Variants in PRELID2 observed in about 807,000 individuals in gnomAD.
PRELID2 encodes PRELI domain-containing protein 2.
In PRELID2, 25 loss-of-function variants were observed where a neutral mutation model predicts 28.4. The ratio of observed to expected loss-of-function variants is 0.88; its 90% CI spans 0.64 to 1.23. PRELID2 has a LOEUF of 1.23. Among genes scored for constraint, PRELID2 ranks in the 50% most tolerant of loss-of-function variants. The pLI is 0.00. For synonymous variants in PRELID2, 76 were observed against 71.6 expected (o/e 1.06, Z -0.31); for missense variants, 201 against 214.4 (o/e 0.94, Z 0.39).
At chr5:145,406,595 C>A in the PRELID2 span, among the ~76,000 whole-genome samples, 1 of 152,208 alleles carries the variant, frequency 6.6e-6, no homozygotes, top group African/African-American at 2.4e-5. Context: ...GGAGCTCCCA[C>A]TTGGACAGAC....
chr5:145,524,490 C>G (rs1293414119), intron 1 of PRELID2, among the ~76,000 whole-genome samples: 1 of 152,190 alleles, frequency 6.6e-6, no homozygotes, highest in Non-Finnish European at 1.5e-5. Flanking sequence ...ATTTGAGAAA[C>G]AGTAGAAACC....
At chr5:145,368,173 T>G in the PRELID2 span, among the ~76,000 whole-genome samples, 1 of 152,082 alleles carries the variant, frequency 6.6e-6, no homozygotes, top group South Asian at 2.1e-4. Context: ...GTCTGTCTTA[T>G]CCAAATCTGT....
intron 4 of PRELID2, among the ~76,000 whole-genome samples, chr5:145,811,953 A>G (rs577325861): frequency 3.5e-4 from 54 of 152,268 alleles, no homozygotes; most frequent in Non-Finnish European, 4.6e-4. Context: ...CTATGTCCCA[A>G]TTATTTCTGT....
the PRELID2 span, among the ~76,000 whole-genome samples, chr5:145,363,443 T>TAA: frequency 6.6e-6 from 1 of 152,028 alleles, no homozygotes; most frequent in Non-Finnish European, 1.5e-5. Context: ...TTAAAAATAG[T>TAA]AAAACTCTTA....
At chr5:145,653,585 A>G (rs1282948592) in intron 1 of PRELID2, among the ~76,000 whole-genome samples, 2 of 152,258 alleles carry the variant, frequency 1.3e-5, no homozygotes, top group African/African-American at 4.8e-5. Flanking sequence ...AGAACTCAGG[A>G]TTAAGAAACT....
chr5:145,355,368 T>A, the PRELID2 span, among the ~76,000 whole-genome samples: 3 of 152,262 alleles, frequency 2.0e-5, no homozygotes, highest in African/African-American at 7.2e-5. Context: ...TTCAAAAGTA[T>A]TTTTTAAGAA....
chr5:145,776,280 C>G (rs562823400), intron 5 of PRELID2, among the ~76,000 whole-genome samples: 284 of 152,354 alleles, frequency 1.9e-3, no homozygotes, highest in Middle Eastern at 6.8e-3. Flanking sequence ...CTATTAGTCA[C>G]TCTGTAGCCC....
At chr5:145,495,335 A>G (rs1391750037) in intron 1 of PRELID2, among the ~76,000 whole-genome samples, 1 of 152,236 alleles carries the variant, frequency 6.6e-6, no homozygotes, top group Non-Finnish European at 1.5e-5. Flanking sequence ...ATTGAGCATC[A>G]GCAGAATCTG....
chr5:145,741,930 T>C (rs1181175867), intron 1 of PRELID2, among the ~76,000 whole-genome samples: 1 of 52,950 alleles, frequency 1.9e-5, no homozygotes, highest in Non-Finnish European at 4.2e-5. Context: ...ACAAATAAAT[T>C]TATTATAAAT....
intron 1 of PRELID2, among the ~76,000 whole-genome samples, chr5:145,651,764 T>A (rs979461860): frequency 1.3e-5 from 2 of 152,032 alleles, no homozygotes; most frequent in Non-Finnish European, 2.9e-5. Flanking sequence ...CACGTCACCA[T>A]CATCAAAGAC....
At chr5:145,649,783 A>G (rs1754257982) in intron 1 of PRELID2, among the ~76,000 whole-genome samples, 1 of 152,112 alleles carries the variant, frequency 6.6e-6, no homozygotes, top group African/African-American at 2.4e-5. Context: ...AAACTTCTAC[A>G]TCCTGTCTCT....
chr5:145,653,030 G>T (rs1451397317), intron 1 of PRELID2, among the ~76,000 whole-genome samples: 3 of 152,086 alleles, frequency 2.0e-5, no homozygotes, highest in Admixed American at 1.3e-4. Context: ...GACACACATA[G>T]GCTCAAAATA....
intron 1 of PRELID2, among the ~76,000 whole-genome samples, chr5:145,714,157 C>A (rs1343615977): frequency 6.6e-6 from 1 of 152,020 alleles, no homozygotes; most frequent in Non-Finnish European, 1.5e-5. Flanking sequence ...AGGAAGAGAG[C>A]ATGAATATAG....
At chr5:145,729,071 T>C (rs1756258876) in intron 1 of PRELID2, 1 of 602,988 alleles carries the variant, frequency 1.7e-6, no homozygotes, top group African/African-American at 1.9e-5. Context: ...GAAATTCAAG[T>C]AAGCAGAATG....
the PRELID2 span, among the ~76,000 whole-genome samples, chr5:145,425,526 C>T: frequency 1.3e-5 from 2 of 152,138 alleles, no homozygotes; most frequent in Non-Finnish European, 2.9e-5. Flanking sequence ...CAATGATAGA[C>T]TGAATACACA....
At chr5:145,749,280 A>C (rs1172112425) in intron 1 of PRELID2, among the ~76,000 whole-genome samples, 2 of 152,188 alleles carry the variant, frequency 1.3e-5, no homozygotes, top group African/African-American at 2.4e-5. Context: ...ACAAGAAAAA[A>C]ACAACCCCAT....
the PRELID2 span, among the ~76,000 whole-genome samples, chr5:145,250,233 G>A: frequency 6.6e-6 from 1 of 152,044 alleles, no homozygotes; most frequent in Non-Finnish European, 1.5e-5. Flanking sequence ...TGAATTATGT[G>A]GGGGCAAGAA....
chr5:145,286,092 C>T, the PRELID2 span, among the ~76,000 whole-genome samples: 3 of 152,128 alleles, frequency 2.0e-5, no homozygotes, highest in African/African-American at 7.2e-5. Context: ...ATAGATGCAC[C>T]TGCTGCCATG....
chr5:145,298,761 A>G, the PRELID2 span, among the ~76,000 whole-genome samples: 1 of 152,164 alleles, frequency 6.6e-6, no homozygotes, highest in Non-Finnish European at 1.5e-5. Context: ...AATCTGTGGC[A>G]TGCTACAGCA....
Sources: gnomAD v4.1 joint callset for allele counts (sites outside exome capture counted in the v4.1 genomes callset) on GRCh38, gnomAD v4.1.1 for gene constraint, MANE v1.5 for transcripts, NCBI Gene and HGNC (gene_info 2026-07-23, HGNC 2026-07-21) for gene names.